The following ABCG2 variants were observed in gnomAD, a reference collection of about 807,000 sequenced individuals.
The protein encoded by ABCG2 is broad substrate specificity ATP-binding cassette transporter ABCG2.
Under a neutral mutation model 73.5 loss-of-function variants are expected in ABCG2, and 80 were observed. That is an observed-to-expected ratio of 1.09 (90% confidence interval 0.91 to 1.31). ABCG2 has a LOEUF of 1.31. ABCG2 is among the 50% of genes most tolerant of loss of function. The pLI is 0.00. For synonymous variants in ABCG2, 269 were observed against 282.4 expected (o/e 0.95, Z 0.48); for missense variants, 796 against 786.2 (o/e 1.01, Z -0.15).
rs1242572170 is a variant in ABCG2, at chr4:88,091,793, T to C, written c.*441A>G. 1 of 153,112 alleles carries C rather than the reference T, an allele frequency of 6.5e-6. No individual in the cohort carries two copies. The highest frequency in any genetic ancestry group is 1.5e-5 in the Non-Finnish European group (1 of 68,692). 9.5% of individuals were successfully genotyped at this position (153,112 alleles called of 1,614,324 possible). ...CTTTTTTCCAACATATTTTCAATTT[T>C]ACATTTCCAGTATAGCATTAATACA... On this transcript the variant is annotated 3_prime_UTR_variant, in exon 16 of 16. Transcript: ENST00000237612.
chr4:88,171,937 G>A, intron 1 of ABCG2, among the ~76,000 whole-genome samples: 1 of 152,116 alleles, frequency 6.6e-6, no homozygotes, highest in East Asian at 1.9e-4. Flanking sequence ...AGTGTGCTAT[G>A]ATTGTGCCTG....
At chr4:88,106,134 T>G (rs1341182439) in intron 10 of ABCG2, among the ~76,000 whole-genome samples, 4 of 151,266 alleles carry the variant, frequency 2.6e-5, no homozygotes, top group East Asian at 1.9e-4. Context: ...TAAAATAGGG[T>G]TTTTTTTGTT....
intron 1 of ABCG2, among the ~76,000 whole-genome samples, chr4:88,198,515 C>A (rs1365861889): frequency 6.6e-6 from 1 of 152,066 alleles, no homozygotes; most frequent in Non-Finnish European, 1.5e-5. Flanking sequence ...TGTCTGTAGT[C>A]CCAAGTGCTC....
chr4:88,118,187 T>C lies in ABCG2; in HGVS notation c.763A>G (p.Ser255Gly), dbSNP rs1723728363. 1 of 1,614,036 alleles carries C rather than the reference T, an allele frequency of 6.2e-7. No homozygotes were observed. The highest frequency in any genetic ancestry group is 1.3e-5 in the African/African-American group (1 of 74,938). The change falls in exon 7 of 16, where the codon AGC becomes GGC. Residue 255 changes from serine (S) to glycine (G), a missense_variant. Coordinates refer to ENST00000237612, the MANE Select transcript of ABCG2 (RefSeq NM_004827.3). ...CTTCCTGAGGCCAATAAGGTGAGGC[T>C]ATCAAACAACTTGAAGATGGAATAT... ...PRYSIFKLFD[S>G]LTLLASGRLM... is the part of the protein sequence containing the mutation.
chr4:88,177,933 G>C (rs975738368), intron 1 of ABCG2, among the ~76,000 whole-genome samples: 4 of 152,180 alleles, frequency 2.6e-5, no homozygotes, highest in Non-Finnish European at 2.9e-5. Context: ...GTTCCAGCAA[G>C]CCTTATCACC....
chr4:88,191,271 C>CAA, intron 1 of ABCG2, among the ~76,000 whole-genome samples: 1 of 100,534 alleles, frequency 9.9e-6, no homozygotes, highest in African/African-American at 3.7e-5. Context: ...GACTCCGTCT[C>CAA]AAAAAAAAAA....
intron 8 of ABCG2, among the ~76,000 whole-genome samples, chr4:88,114,694 T>C (rs1166244032): frequency 1.3e-5 from 2 of 152,148 alleles, no homozygotes. Context: ...GCCAAGTTTC[T>C]TATTTTAAAA....
At chr4:88,133,327 T>C (rs1268902066) in intron 2 of ABCG2, among the ~76,000 whole-genome samples, 1 of 151,858 alleles carries the variant, frequency 6.6e-6, no homozygotes, top group Non-Finnish European at 1.5e-5. Context: ...GAGGCTGGGA[T>C]AAAGCACTTC....
At chr4:88,155,029 G>A (rs918371982) in intron 1 of ABCG2, among the ~76,000 whole-genome samples, 2 of 152,054 alleles carry the variant, frequency 1.3e-5, no homozygotes, top group Non-Finnish European at 2.9e-5. Context: ...CCTGCACTTC[G>A]GCTGTGTGTA....
intron 13 of ABCG2, among the ~76,000 whole-genome samples, chr4:88,096,789 G>A (rs927542933): frequency 9.2e-5 from 14 of 151,780 alleles, no homozygotes; most frequent in South Asian, 2.1e-4. Flanking sequence ...TGAATGTCAG[G>A]AACGAAACCC....
At chr4:88,103,354 A>C (rs531022025) in intron 10 of ABCG2, among the ~76,000 whole-genome samples, 128 of 152,312 alleles carry the variant, frequency 8.4e-4, no homozygotes, top group African/African-American at 3.0e-3. Flanking sequence ...TTTCTTATTA[A>C]GGAAGTTAAT....
chr4:88,181,048 T>C (rs1157594336), intron 1 of ABCG2, among the ~76,000 whole-genome samples: 2 of 152,104 alleles, frequency 1.3e-5, no homozygotes, highest in Non-Finnish European at 2.9e-5. Flanking sequence ...AGCATTTTTA[T>C]TAGTTTTCTC....
At chr4:88,128,964 C>T (rs996404284) in intron 5 of ABCG2, among the ~76,000 whole-genome samples, 3 of 152,148 alleles carry the variant, frequency 2.0e-5, no homozygotes, top group African/African-American at 4.8e-5. Flanking sequence ...GTTTGTTCTT[C>T]ACCAAGTCAA....
At chr4:88,152,767 A>G (rs1726597440) in intron 1 of ABCG2, among the ~76,000 whole-genome samples, 1 of 152,142 alleles carries the variant, frequency 6.6e-6, no homozygotes. Flanking sequence ...ATAAAACAAA[A>G]TAGTGGTAAA....
At chr4:88,133,108 G>C (rs754391906) in intron 2 of ABCG2, among the ~76,000 whole-genome samples, 1 of 152,132 alleles carries the variant, frequency 6.6e-6, no homozygotes, top group African/African-American at 2.4e-5. Flanking sequence ...AAACATCTCC[G>C]TTACACTTAC....
chr4:88,092,452 G>C, intron 15 of ABCG2, 71 bp from the exon 16 acceptor site: 1 of 1,491,476 alleles, frequency 6.7e-7, no homozygotes, highest in Non-Finnish European at 9.0e-7. Flanking sequence ...TATATCCACT[G>C]TTCCTTAAAG....
intron 1 of ABCG2, among the ~76,000 whole-genome samples, chr4:88,193,206 A>G (rs1296156138): frequency 6.6e-6 from 1 of 152,176 alleles, no homozygotes; most frequent in East Asian, 1.9e-4. Flanking sequence ...TTGGTATCTC[A>G]GAATAAATCT....
At chr4:88,136,029 G>A (rs1405923109) in intron 2 of ABCG2, among the ~76,000 whole-genome samples, 1 of 152,080 alleles carries the variant, frequency 6.6e-6, no homozygotes, top group African/African-American at 2.4e-5. Flanking sequence ...AATCTTGAGG[G>A]TTCAGATGAG....
chr4:88,218,870 C>A (rs139902691), intron 1 of ABCG2, among the ~76,000 whole-genome samples: 1 of 152,200 alleles, frequency 6.6e-6, no homozygotes, highest in East Asian at 1.9e-4. Context: ...TGTAAAAGGC[C>A]AGATAGTGAA....
Sources: allele counts gnomAD v4.1 joint callset (sites outside exome capture counted in the v4.1 genomes callset), GRCh38; gene constraint gnomAD v4.1.1; transcripts MANE v1.5; gene names NCBI Gene and HGNC (gene_info 2026-07-23, HGNC 2026-07-21).